The following SORCS1 variants were observed in gnomAD, a reference collection of about 807,000 sequenced individuals.
SORCS1 encodes VPS10 domain-containing receptor SorCS1.
A neutral mutation model predicts 146.1 loss-of-function variants in SORCS1; 60 were observed. The ratio of observed to expected loss-of-function variants is 0.41; its 90% CI spans 0.33 to 0.51. The LOEUF is 0.51. Ranked by LOEUF, SORCS1 falls within the 20% of genes least tolerant of loss-of-function variation. The pLI is 0.21. For synonymous variants in SORCS1, 637 were observed against 584.0 expected (o/e 1.09, Z -1.31); for missense variants, 1,352 against 1,487.6 (o/e 0.91, Z 1.50).
chr10:106,897,074 T>G (rs2138001041), intron 2 of SORCS1, among the ~76,000 whole-genome samples: 1 of 152,130 alleles, frequency 6.6e-6, no homozygotes, highest in Non-Finnish European at 1.5e-5. Context: ...TGTATTTTTT[T>G]AGTAGAGACG....
At chr10:106,598,555 C>T (rs540940496) in intron 23 of SORCS1, among the ~76,000 whole-genome samples, 25 of 152,084 alleles carry the variant, frequency 1.6e-4, no homozygotes, top group African/African-American at 5.3e-4. Flanking sequence ...CCACTGCGCC[C>T]GGCCCACTCC....
At chr10:106,660,310 T>C (rs1850628977) in intron 17 of SORCS1, among the ~76,000 whole-genome samples, 1 of 152,152 alleles carries the variant, frequency 6.6e-6, no homozygotes, top group South Asian at 2.1e-4. Flanking sequence ...AGGTACAGTG[T>C]GATGTTTTGA....
intron 1 of SORCS1, among the ~76,000 whole-genome samples, chr10:107,108,566 C>G (rs1965466246): frequency 6.6e-6 from 1 of 152,144 alleles, no homozygotes; most frequent in African/African-American, 2.4e-5. Context: ...TACCTCCCAC[C>G]AGGCCCCACC....
chr10:106,826,914 G>T (rs796799925), intron 3 of SORCS1, among the ~76,000 whole-genome samples: 3 of 152,314 alleles, frequency 2.0e-5, no homozygotes, highest in African/African-American at 7.2e-5. Context: ...GGTGTGTCAA[G>T]TCTTAAGAAC....
intron 5 of SORCS1, among the ~76,000 whole-genome samples, chr10:106,744,901 C>A (rs1226400790): frequency 6.6e-6 from 1 of 152,088 alleles, no homozygotes; most frequent in African/African-American, 2.4e-5. Context: ...GGGTGAGAAC[C>A]CCACCTCCAT....
At chr10:106,874,574 C>T (rs373373210) in intron 2 of SORCS1, among the ~76,000 whole-genome samples, 2 of 152,190 alleles carry the variant, frequency 1.3e-5, no homozygotes, top group Non-Finnish European at 2.9e-5. Context: ...TACATATGTA[C>T]TCAGATGAAA....
At chr10:106,984,551 G>A (rs1468908025) in intron 1 of SORCS1, among the ~76,000 whole-genome samples, 4 of 151,614 alleles carry the variant, frequency 2.6e-5, no homozygotes, top group Non-Finnish European at 5.9e-5. Flanking sequence ...CCTCCACCAC[G>A]CCCAGCTAAT....
intron 1 of SORCS1, among the ~76,000 whole-genome samples, chr10:106,983,779 A>G (rs930440619): frequency 6.6e-6 from 1 of 152,162 alleles, no homozygotes; most frequent in African/African-American, 2.4e-5. Flanking sequence ...CACTAAATTG[A>G]AGAACTTAAC....
intron 2 of SORCS1, among the ~76,000 whole-genome samples, chr10:106,884,364 T>C (rs118143921): frequency 0.015 from 2,212 of 152,284 alleles, 23 homozygotes; most frequent in Non-Finnish European, 0.023. Context: ...TCAAAGATTG[T>C]CTTTTGTCTT....
intron 2 of SORCS1, among the ~76,000 whole-genome samples, chr10:106,903,167 G>A (rs1054095026): frequency 9.2e-5 from 14 of 152,170 alleles, no homozygotes; most frequent in African/African-American, 3.4e-4. Context: ...AATCTGGAGG[G>A]TTCATGCTTC....
chr10:106,751,058 C>CAA (rs35691571), intron 5 of SORCS1, among the ~76,000 whole-genome samples: 389 of 22,438 alleles, frequency 0.017, 147 homozygotes, highest in Admixed American at 0.031. Context: ...GACTCCGTCT[C>CAA]AAAAAAAAAA....
intron 1 of SORCS1, among the ~76,000 whole-genome samples, chr10:106,958,234 G>A (rs1400726416): frequency 3.3e-5 from 5 of 152,142 alleles, no homozygotes; most frequent in African/African-American, 9.7e-5. Flanking sequence ...GTTTTCTGTC[G>A]AAGTTCGTAT....
chr10:106,617,354 T>C (rs1429884763), intron 21 of SORCS1, among the ~76,000 whole-genome samples: 1 of 152,154 alleles, frequency 6.6e-6, no homozygotes. Flanking sequence ...ACTTCTTATA[T>C]TTCAAAAGCT....
intron 1 of SORCS1, among the ~76,000 whole-genome samples, chr10:107,109,209 G>A (rs1479284067): frequency 1.3e-5 from 2 of 152,250 alleles, no homozygotes; most frequent in Non-Finnish European, 2.9e-5. Context: ...CAGTGCCACA[G>A]TGAGGACTCC....
chr10:107,006,836 C>T (rs1249606318), intron 1 of SORCS1, among the ~76,000 whole-genome samples: 2 of 152,176 alleles, frequency 1.3e-5, no homozygotes, highest in Non-Finnish European at 2.9e-5. Context: ...AAAATAGTTA[C>T]TTTCATAGTA....
At chr10:107,054,901 T>A (rs1188464372) in intron 1 of SORCS1, among the ~76,000 whole-genome samples, 1 of 152,206 alleles carries the variant, frequency 6.6e-6, no homozygotes, top group Non-Finnish European at 1.5e-5. Context: ...TAAAGTGGTA[T>A]CACATTTGTT....
chr10:106,676,949 G>A (rs1338377509), intron 13 of SORCS1, among the ~76,000 whole-genome samples: 1 of 152,102 alleles, frequency 6.6e-6, no homozygotes, highest in African/African-American at 2.4e-5. Context: ...CTTGCTTCCT[G>A]TTGACCACTT....
At chr10:106,997,890 C>T (rs1405459706) in intron 1 of SORCS1, among the ~76,000 whole-genome samples, 1 of 152,156 alleles carries the variant, frequency 6.6e-6, no homozygotes, top group Non-Finnish European at 1.5e-5. Context: ...CTCAAATGGC[C>T]ACTTCCCCTA....
At chr10:107,168,666 C>CTTTT (rs57998261), upstream of SORCS1, among the ~76,000 whole-genome samples, 1 of 119,262 alleles carries the variant, frequency 8.4e-6, no homozygotes. Flanking sequence ...CAGCTCATGC[C>CTTTT]TTTTTTTTTT....
Sources: gnomAD v4.1 joint callset for allele counts (sites outside exome capture counted in the v4.1 genomes callset) on GRCh38, gnomAD v4.1.1 for gene constraint, MANE v1.5 for transcripts, NCBI Gene and HGNC (gene_info 2026-07-23, HGNC 2026-07-21) for gene names.